Variants in NIBAN1 observed in about 807,000 individuals in gnomAD.
The protein encoded by NIBAN1 is protein Niban 1.
A neutral mutation model predicts 75.1 loss-of-function variants in NIBAN1; 81 were observed. The ratio of observed to expected loss-of-function variants is 1.08; its 90% CI spans 0.90 to 1.30. The LOEUF is 1.30. Ranked by LOEUF, NIBAN1 falls within the 50% of genes most tolerant of loss-of-function variation. The pLI is 0.00. For synonymous variants in NIBAN1, 436 were observed against 424.8 expected, an observed-to-expected ratio of 1.03 and a Z score of -0.32; for missense variants, 1,133 against 1,128.1, an observed-to-expected ratio of 1.00 and a Z score of -0.06.
chr1:184,892,921 ACCAGCATGC>A (rs1170531733), intron 3 of NIBAN1, among the ~76,000 whole-genome samples: 2 of 151,994 alleles, frequency 1.3e-5, no homozygotes, highest in African/African-American at 4.8e-5. Flanking sequence ...ACAGGCATGC[ACCAGCATGC>A]CCAGCTAATT....
chr1:184,818,488 C>T (rs991253374), intron 9 of NIBAN1, 150 bp downstream of exon 9: 91 of 727,662 alleles, frequency 1.3e-4, no homozygotes, highest in African/African-American at 1.4e-4. Context: ...TCTGAATGAA[C>T]GGAAGAAAGG....
intron 1 of NIBAN1, among the ~76,000 whole-genome samples, chr1:184,962,579 T>C (rs1279013944): frequency 2.0e-5 from 3 of 152,166 alleles, no homozygotes; most frequent in Non-Finnish European, 2.9e-5. Context: ...GAGGTTCTTA[T>C]AGATTTTGCT....
intron 1 of NIBAN1, among the ~76,000 whole-genome samples, chr1:184,914,727 T>A (rs1235501591): frequency 6.6e-6 from 1 of 150,992 alleles, no homozygotes; most frequent in African/African-American, 2.4e-5. Flanking sequence ...CTTTCTTTTT[T>A]TTTTTTTTTT....
At chr1:184,924,662 C>T (rs191758491) in intron 1 of NIBAN1, among the ~76,000 whole-genome samples, 3 of 152,108 alleles carry the variant, frequency 2.0e-5, no homozygotes, top group East Asian at 3.9e-4. Flanking sequence ...AGCTATCAGG[C>T]CCTGGGCTTT....
chr1:184,852,086 G>A (rs1009405364), intron 5 of NIBAN1, among the ~76,000 whole-genome samples: 3 of 152,102 alleles, frequency 2.0e-5, no homozygotes, highest in Admixed American at 6.5e-5. Context: ...GACGGGCAGA[G>A]CTCAAGCCCA....
chr1:184,886,560 C>T (rs559826123), intron 4 of NIBAN1, among the ~76,000 whole-genome samples: 30 of 152,202 alleles, frequency 2.0e-4, no homozygotes, highest in South Asian at 2.1e-4. Flanking sequence ...CATTTTAAAC[C>T]GACTACTATT....
rs1268296711 is a variant in NIBAN1 at position 184,797,049 on chromosome 1, T to C, written c.1667-952A>G. Among the ~76,000 whole-genome samples the C allele has an allele frequency of 3.3e-5, 5 of 152,240 alleles. No homozygotes were observed. In the East Asian group the frequency reaches 7.7e-4, roughly 24 times the overall value. ...TGGGCTTGTCCTTGGCCAGTTTTCA[T>C]TGAGGAAGGTCTTTTGTGATACTCA... On this transcript the variant is annotated intron_variant, in intron 13 of 13. Coordinates refer to ENST00000367511, the MANE Select transcript of NIBAN1 (RefSeq NM_052966.4).
rs754387667 is a variant in NIBAN1, at chr1:184,795,519, C to T, written c.2245G>A (p.Glu749Lys). ...HVPQENEEEE[E>K]KEPSQAAAIH... Reference sequence around the variant, plus strand: ...GCAGCTGCCTGACTGGGCTCTTTTTCCTCTTCTTCTTCATTTTCTTGGGGA... The same window carrying T: ...GCAGCTGCCTGACTGGGCTCTTTTTTCTCTTCTTCTTCATTTTCTTGGGGA... The change falls in exon 14 of 14, where the codon GAA becomes AAA. Residue 749 changes from glutamate to lysine, a missense_variant. Glu to Lys is a moderately conservative substitution (Grantham distance 56, BLOSUM62 1). Transcript: ENST00000367511. 2.7e-5 allele frequency: 43 copies of T among 1,612,460 alleles called. No homozygotes were observed. The highest frequency in any genetic ancestry group is 5.5e-5 in the South Asian group (5 of 90,924).
chr1:184,836,037 G>A (rs1655132985), intron 5 of NIBAN1, among the ~76,000 whole-genome samples: 1 of 152,120 alleles, frequency 6.6e-6, no homozygotes, highest in African/African-American at 2.4e-5. Context: ...TTAAATCGAA[G>A]TATTTTTTCC....
intron 2 of NIBAN1, among the ~76,000 whole-genome samples, chr1:184,895,972 C>G (rs1283256960): frequency 6.6e-6 from 1 of 152,106 alleles, no homozygotes; most frequent in Non-Finnish European, 1.5e-5. Context: ...CTGGTGCACA[C>G]TTAGGTTGGT....
At chr1:184,832,831 A>C (rs1356404752) in intron 5 of NIBAN1, among the ~76,000 whole-genome samples, 1 of 152,264 alleles carries the variant, frequency 6.6e-6, no homozygotes, top group African/African-American at 2.4e-5. Context: ...GCCTTCTCAG[A>C]GTTCCATAAG....
chr1:184,922,591 T>C (rs112390325), intron 1 of NIBAN1, among the ~76,000 whole-genome samples: 2,705 of 152,160 alleles, frequency 0.018, 48 homozygotes, highest in South Asian at 0.047. Context: ...TTTTGTTTTG[T>C]TTTTTTGTTT....
chr1:184,942,693 CAAAAA>C (rs1235041623), intron 1 of NIBAN1, among the ~76,000 whole-genome samples: 1 of 78,380 alleles, frequency 1.3e-5, no homozygotes, highest in Admixed American at 1.4e-4. Flanking sequence ...GACTCCGTCT[CAAAAA>C]AAAAAAAAAA....
At chr1:184,840,223 C>A (rs542376469) in intron 5 of NIBAN1, among the ~76,000 whole-genome samples, 2 of 152,154 alleles carry the variant, frequency 1.3e-5, no homozygotes, top group South Asian at 4.1e-4. Flanking sequence ...CTTACGAGAA[C>A]CAGCCCCATT....
chr1:184,855,312 A>G (rs1655647128), intron 5 of NIBAN1, among the ~76,000 whole-genome samples: 1 of 152,230 alleles, frequency 6.6e-6, no homozygotes, highest in Admixed American at 6.5e-5. Flanking sequence ...TTCTACAGGT[A>G]GCATCCTTAG....
chr1:184,963,286 G>A (rs984034198), intron 1 of NIBAN1, among the ~76,000 whole-genome samples: 1 of 151,938 alleles, frequency 6.6e-6, no homozygotes, highest in Non-Finnish European at 1.5e-5. Flanking sequence ...TAACGAAAAG[G>A]GGGGAGTATC....
At chr1:184,809,996 T>G (rs761515561) in intron 9 of NIBAN1, among the ~76,000 whole-genome samples, 2 of 152,102 alleles carry the variant, frequency 1.3e-5, no homozygotes, top group East Asian at 3.8e-4. Flanking sequence ...GAATGGCATA[T>G]GCTAAGTTGT....
At chr1:184,866,687 T>C in intron 5 of NIBAN1, among the ~76,000 whole-genome samples, 1 of 152,176 alleles carries the variant, frequency 6.6e-6, no homozygotes, top group East Asian at 1.9e-4. Context: ...ACTGTGTTCA[T>C]TTAAAGCCAC....
chr1:184,931,366 T>C (rs1013898015), intron 1 of NIBAN1, among the ~76,000 whole-genome samples: 1 of 152,204 alleles, frequency 6.6e-6, no homozygotes, highest in Non-Finnish European at 1.5e-5. Flanking sequence ...TGGCTTCCAC[T>C]AGTTGCTATC....
Sources: allele counts gnomAD v4.1 joint callset (sites outside exome capture counted in the v4.1 genomes callset), GRCh38; gene constraint gnomAD v4.1.1; transcripts MANE v1.5; gene names NCBI Gene and HGNC (gene_info 2026-07-23, HGNC 2026-07-21).